Variants in ACBD6 observed in about 807,000 individuals in gnomAD.
ACBD6 encodes acyl-CoA binding domain containing 6.
In ACBD6, 28 loss-of-function variants were observed where a neutral mutation model predicts 37.2. The ratio of observed to expected loss-of-function variants is 0.75; its 90% CI spans 0.56 to 1.03. The LOEUF (loss-of-function observed/expected upper bound fraction) is 1.03. Ranked by LOEUF, ACBD6 falls within the 50% of genes least tolerant of loss-of-function variation. The probability of loss-of-function intolerance (pLI) is 0.00; values close to 1 mark genes in which losing one functional copy is unlikely to be tolerated. For missense variants in ACBD6, 340 were observed against 337.4 expected, an observed-to-expected ratio of 1.01 and a Z score of -0.06; for synonymous variants, 113 against 126.8, an observed-to-expected ratio of 0.89 and a Z score of 0.73.
At chr1:180,334,818 G>T (rs1651636485) in intron 6 of ACBD6, among the ~76,000 whole-genome samples, 1 of 152,124 alleles carries the variant, frequency 6.6e-6, no homozygotes, top group East Asian at 1.9e-4. Context: ...GTCCTTAAAG[G>T]ACCTGATGGA....
chr1:180,358,811 C>A (rs910663418), intron 6 of ACBD6, among the ~76,000 whole-genome samples: 15 of 152,142 alleles, frequency 9.9e-5, no homozygotes, highest in Non-Finnish European at 1.9e-4. Context: ...ACTGCTGGCA[C>A]CAGGCCCATG....
intron 3 of ACBD6, among the ~76,000 whole-genome samples, chr1:180,485,664 G>A (rs958527488): frequency 6.6e-6 from 1 of 152,190 alleles, no homozygotes; most frequent in Non-Finnish European, 1.5e-5. Context: ...ACAACTGTGA[G>A]AGAATAATTT....
intron 4 of ACBD6, among the ~76,000 whole-genome samples, chr1:180,428,181 A>G (rs1484628839): frequency 6.6e-6 from 1 of 152,146 alleles, no homozygotes; most frequent in African/African-American, 2.4e-5. Flanking sequence ...ATATCATAAG[A>G]CTAATACTTA....
At chr1:180,293,877 G>T (rs944795988) in intron 7 of ACBD6, among the ~76,000 whole-genome samples, 5 of 151,676 alleles carry the variant, frequency 3.3e-5, no homozygotes, top group Admixed American at 2.6e-4. Flanking sequence ...TCCCAGCTGG[G>T]ACTAAAGGCA....
chr1:180,440,170 G>A (rs1298416466), intron 3 of ACBD6, among the ~76,000 whole-genome samples: 1 of 152,074 alleles, frequency 6.6e-6, no homozygotes, highest in East Asian at 1.9e-4. Flanking sequence ...GTGCAGTGGT[G>A]CAATCTCAGC....
intron 7 of ACBD6, among the ~76,000 whole-genome samples, chr1:180,309,020 A>C (rs1650490627): frequency 6.6e-6 from 1 of 152,202 alleles, no homozygotes; most frequent in Non-Finnish European, 1.5e-5. Flanking sequence ...GGTCCAATAC[A>C]GAAGTTATAA....
intron 6 of ACBD6, among the ~76,000 whole-genome samples, chr1:180,385,574 T>C (rs536807880): frequency 7.9e-5 from 12 of 151,936 alleles, no homozygotes; most frequent in African/African-American, 2.9e-4. Context: ...AAGGTCAAAT[T>C]AGGTTATAAA....
chr1:180,426,503 C>G (rs546349255), intron 4 of ACBD6, among the ~76,000 whole-genome samples: 1 of 152,146 alleles, frequency 6.6e-6, no homozygotes, highest in Non-Finnish European at 1.5e-5. Context: ...AACAGCTGAT[C>G]GCAAAACCAG....
At chr1:180,343,806 A>T (rs1652071378) in intron 6 of ACBD6, among the ~76,000 whole-genome samples, 1 of 152,182 alleles carries the variant, frequency 6.6e-6, no homozygotes. Flanking sequence ...GTGGTGGTTC[A>T]CGCCTGTAAT....
At chr1:180,480,970 G>A (rs1365135197) in intron 3 of ACBD6, among the ~76,000 whole-genome samples, 2 of 151,692 alleles carry the variant, frequency 1.3e-5, no homozygotes, top group South Asian at 2.1e-4. Context: ...GGCAGAGTCT[G>A]CAGTGAGCGG....
chr1:180,435,517 C>A, intron 3 of ACBD6: 1 of 665,456 alleles, frequency 1.5e-6, no homozygotes, highest in East Asian at 2.8e-5. Flanking sequence ...TCCCAAAGTG[C>A]TGGGATTACA....
At position 180,271,348 on chromosome 1, in the gene ACBD6, C is replaced by T. The variant is rs372050363; in HGVS notation, c.*1877G>A. 40 of 1,613,606 alleles carry T rather than the reference C, an allele frequency of 2.5e-5. 1 individual carries two copies. In the African/African-American group the frequency reaches 4.0e-4, roughly 16 times the overall value. On this transcript the variant is annotated 3_prime_UTR_variant, in exon 14 of 14. Coordinates refer to the ACBD6 transcript ENST00000642319. Reference sequence around the variant, plus strand: ...GGAGGCGCAGCTGCTGCAGATAGGCCGAAGCCAGTAAGCAGTGGTTTTTCC... The same window carrying T: ...GGAGGCGCAGCTGCTGCAGATAGGCTGAAGCCAGTAAGCAGTGGTTTTTCC...
chr1:180,441,127 T>A (rs147076790), intron 3 of ACBD6, among the ~76,000 whole-genome samples: 1 of 152,356 alleles, frequency 6.6e-6, no homozygotes, highest in East Asian at 1.9e-4. Context: ...CTGTCTTTTA[T>A]GGCAGCTGCA....
At chr1:180,450,515 T>C (rs1182482589) in intron 3 of ACBD6, among the ~76,000 whole-genome samples, 3 of 152,178 alleles carry the variant, frequency 2.0e-5, no homozygotes, top group Non-Finnish European at 4.4e-5. Context: ...TCCCAGCACT[T>C]TGGGAGGCCC....
intron 4 of ACBD6, among the ~76,000 whole-genome samples, chr1:180,425,571 AAAATCCAAAT>A (rs757624227): frequency 9.2e-5 from 14 of 152,342 alleles, no homozygotes; most frequent in Non-Finnish European, 1.5e-4. Flanking sequence ...TAAATGCATA[AAAATCCAAAT>A]ATTCATTTTT....
At chr1:180,385,490 C>T (rs1653813363) in intron 6 of ACBD6, among the ~76,000 whole-genome samples, 1 of 151,346 alleles carries the variant, frequency 6.6e-6, no homozygotes, top group Admixed American at 6.6e-5. Flanking sequence ...TGCTCCCCCA[C>T]ACCCAATTCC....
intron 6 of ACBD6, among the ~76,000 whole-genome samples, chr1:180,371,054 A>C (rs960282297): frequency 2.6e-5 from 4 of 152,098 alleles, no homozygotes; most frequent in African/African-American, 9.7e-5. Context: ...AAACTAACTG[A>C]AAATTGATAA....
At chr1:180,274,465 A>C (rs1648903876) in intron 10 of ACBD6, 2 of 1,614,040 alleles carry the variant, frequency 1.2e-6, no homozygotes, top group Admixed American at 3.3e-5. Flanking sequence ...AGACGCTGAG[A>C]GCCATGGCTG....
At chr1:180,276,076 G>C (rs1649009346) in intron 9 of ACBD6, 1 of 80,686 alleles carries the variant, frequency 1.2e-5, no homozygotes, top group Non-Finnish European at 2.4e-5. Flanking sequence ...ATTTATTCCT[G>C]TCCCTCTGGG....
Sources: gnomAD v4.1 joint callset for allele counts (sites outside exome capture counted in the v4.1 genomes callset) on GRCh38, gnomAD v4.1.1 for gene constraint, MANE v1.5 for transcripts, NCBI Gene and HGNC (gene_info 2026-07-23, HGNC 2026-07-21) for gene names.